Variants in ZBTB20 observed in about 807,000 individuals in gnomAD.
ZBTB20 encodes zinc finger and BTB domain-containing protein 20.
Under a neutral mutation model 56.9 loss-of-function variants are expected in ZBTB20, and 9 were observed. That is an observed-to-expected ratio of 0.16 (90% CI 0.10 to 0.28). The LOEUF is 0.28. Among genes scored for constraint, ZBTB20 ranks in the 10% least tolerant of loss-of-function variants. The pLI is 1.00. For synonymous variants in ZBTB20, 417 were observed against 420.7 expected (o/e 0.99, Z 0.11); for missense variants, 655 against 1,003.0 (o/e 0.65, Z 4.69).
intron 6 of ZBTB20, chr3:114,684,450 A>T (rs1419149335): frequency 2.6e-5 from 4 of 152,198 alleles, no homozygotes; most frequent in Non-Finnish European, 4.4e-5. Flanking sequence ...GGACAGGTTA[A>T]GAGTTGCACC....
At chr3:115,041,323 C>T (rs1350227300) in intron 2 of ZBTB20, among the ~76,000 whole-genome samples, 1 of 152,122 alleles carries the variant, frequency 6.6e-6, no homozygotes, top group East Asian at 1.9e-4. Context: ...AACTGAGGCT[C>T]ATGTAAATGT....
intron 7 of ZBTB20, among the ~76,000 whole-genome samples, chr3:114,425,695 CA>C (rs2089589407): frequency 6.6e-6 from 1 of 152,188 alleles, no homozygotes; most frequent in Non-Finnish European, 1.5e-5. Context: ...CATCTTTTCT[CA>C]TAATCTACCT....
chr3:114,697,486 A>G (rs2063115147), intron 5 of ZBTB20, among the ~76,000 whole-genome samples: 1 of 152,030 alleles, frequency 6.6e-6, no homozygotes, highest in Non-Finnish European at 1.5e-5. Context: ...ACTCCCTTTT[A>G]AACAGTCTGA....
chr3:114,809,955 A>G (rs564430677), intron 4 of ZBTB20, among the ~76,000 whole-genome samples: 2 of 152,088 alleles, frequency 1.3e-5, no homozygotes, highest in Admixed American at 1.3e-4. Context: ...AGTTTGTGTA[A>G]TTTCCATTTT....
intron 2 of ZBTB20, among the ~76,000 whole-genome samples, chr3:115,021,471 C>T (rs925359193): frequency 4.0e-5 from 6 of 150,770 alleles, no homozygotes; most frequent in Non-Finnish European, 6.0e-5. Context: ...ACTACACATA[C>T]GCAACATTAG....
chr3:114,490,584 T>C (rs1057184962), intron 7 of ZBTB20, among the ~76,000 whole-genome samples: 4 of 152,150 alleles, frequency 2.6e-5, no homozygotes, highest in African/African-American at 9.7e-5. Flanking sequence ...CTCACCTGTC[T>C]ACACTCCTGT....
At chr3:114,812,117 A>G (rs2072567725) in intron 4 of ZBTB20, among the ~76,000 whole-genome samples, 1 of 152,192 alleles carries the variant, frequency 6.6e-6, no homozygotes, top group Non-Finnish European at 1.5e-5. Flanking sequence ...GATTTATTGC[A>G]AAGAGTGAAA....
At chr3:114,850,279 G>A (rs1331479744) in intron 4 of ZBTB20, among the ~76,000 whole-genome samples, 5 of 152,114 alleles carry the variant, frequency 3.3e-5, no homozygotes, top group African/African-American at 4.8e-5. Flanking sequence ...TAATGGACCC[G>A]ATTACAGGTT....
intron 4 of ZBTB20, among the ~76,000 whole-genome samples, chr3:114,846,232 G>A (rs1397797909): frequency 2.0e-5 from 3 of 152,226 alleles, no homozygotes; most frequent in South Asian, 2.1e-4. Flanking sequence ...AAGCGGTCAA[G>A]CAGCTGAGAG....
chr3:114,787,661 A>G (rs1018518277), intron 5 of ZBTB20, among the ~76,000 whole-genome samples: 1 of 151,888 alleles, frequency 6.6e-6, no homozygotes, highest in African/African-American at 2.4e-5. Flanking sequence ...ACATAAATCT[A>G]TATATATGTT....
At chr3:114,959,205 T>C (rs138739770) in intron 3 of ZBTB20, among the ~76,000 whole-genome samples, 1 of 152,124 alleles carries the variant, frequency 6.6e-6, no homozygotes, top group Non-Finnish European at 1.5e-5. Flanking sequence ...ACCACACAGG[T>C]TGTATAAGGC....
intron 1 of ZBTB20, among the ~76,000 whole-genome samples, chr3:115,128,425 AG>A (rs1232845878): frequency 3.3e-5 from 5 of 152,044 alleles, no homozygotes; most frequent in Admixed American, 6.6e-5. Flanking sequence ...ACACTTTGGG[AG>A]GCTGAAGCAG....
At chr3:114,970,993 C>A (rs1447048842) in intron 3 of ZBTB20, among the ~76,000 whole-genome samples, 1 of 147,290 alleles carries the variant, frequency 6.8e-6, no homozygotes, top group Non-Finnish European at 1.5e-5. Flanking sequence ...CCAGCCTGGG[C>A]AACAGAGCGA....
chr3:115,125,898 C>A (rs2084318657), intron 1 of ZBTB20, among the ~76,000 whole-genome samples: 1 of 151,826 alleles, frequency 6.6e-6, no homozygotes, highest in Non-Finnish European at 1.5e-5. Flanking sequence ...AAATAATACA[C>A]ACATACATAC....
chr3:114,645,202 A>G (rs1225168477), intron 6 of ZBTB20, among the ~76,000 whole-genome samples: 1 of 152,186 alleles, frequency 6.6e-6, no homozygotes, highest in Non-Finnish European at 1.5e-5. Flanking sequence ...GAGTTAATAC[A>G]AAAGATCATC....
intron 2 of ZBTB20, among the ~76,000 whole-genome samples, chr3:115,016,972 C>T (rs2079990460): frequency 6.6e-6 from 1 of 151,620 alleles, no homozygotes; most frequent in Admixed American, 6.6e-5. Context: ...AAAACCAGCA[C>T]AAGACAAGGA....
chr3:114,393,550 G>A (rs2086072318), intron 7 of ZBTB20, among the ~76,000 whole-genome samples: 1 of 152,074 alleles, frequency 6.6e-6, no homozygotes, highest in South Asian at 2.1e-4. Context: ...ACACACCTGA[G>A]CGTCTATTAA....
intron 1 of ZBTB20, among the ~76,000 whole-genome samples, chr3:115,095,673 T>C (rs550526873): frequency 6.6e-5 from 10 of 152,194 alleles, no homozygotes; most frequent in East Asian, 1.9e-4. Flanking sequence ...TAATCATAGA[T>C]AGCATATTTC....
intron 1 of ZBTB20, among the ~76,000 whole-genome samples, chr3:115,134,209 CT>C (rs1305118833): frequency 1.3e-5 from 2 of 152,110 alleles, no homozygotes; most frequent in Non-Finnish European, 2.9e-5. Flanking sequence ...AAAATATTTC[CT>C]TTTCATTGCT....
Sources: allele counts gnomAD v4.1 joint callset (sites outside exome capture counted in the v4.1 genomes callset), GRCh38; gene constraint gnomAD v4.1.1; transcripts MANE v1.5; gene names NCBI Gene and HGNC (gene_info 2026-07-23, HGNC 2026-07-21).